The following TSPAN18 variants were observed in gnomAD, a reference collection of about 807,000 sequenced individuals.
The protein encoded by TSPAN18 is tetraspanin 18, also known as tetraspanin-18.
TSPAN18 carries 14 observed loss-of-function variants against 27.3 expected under a neutral mutation model. The observed-to-expected ratio is 0.51, with a 90% confidence interval of 0.34 to 0.80. The LOEUF (loss-of-function observed/expected upper bound fraction) is 0.80. Ranked by LOEUF, TSPAN18 falls within the 30% of genes least tolerant of loss-of-function variation. TSPAN18 has a pLI of 0.01. For synonymous variants in TSPAN18, 143 were observed against 136.5 expected, an observed-to-expected ratio of 1.05 and a Z score of -0.33; for missense variants, 268 against 323.9, an observed-to-expected ratio of 0.83 and a Z score of 1.32.
chr11:44,877,796 G>C (rs1293515771), intron 3 of TSPAN18, among the ~76,000 whole-genome samples: 2 of 151,794 alleles, frequency 1.3e-5, no homozygotes, highest in Non-Finnish European at 2.9e-5. Context: ...GGCTGGGTAA[G>C]CTAGTCGTGG....
intron 3 of TSPAN18, among the ~76,000 whole-genome samples, chr11:44,890,053 C>T (rs948074241): frequency 4.6e-5 from 7 of 152,242 alleles, no homozygotes; most frequent in Admixed American, 2.0e-4. Flanking sequence ...TCCCCAGCCT[C>T]TTTCCTGTGC....
intron 2 of TSPAN18, among the ~76,000 whole-genome samples, chr11:44,843,822 G>A (rs947193486): frequency 6.6e-6 from 1 of 152,232 alleles, no homozygotes; most frequent in African/African-American, 2.4e-5. Flanking sequence ...AGCAGTCAGA[G>A]TTTAAGGTTA....
intron 2 of TSPAN18, among the ~76,000 whole-genome samples, chr11:44,819,036 A>C (rs1856871471): frequency 6.6e-6 from 1 of 152,124 alleles, no homozygotes; most frequent in South Asian, 2.1e-4. Context: ...TCCCAGTTTC[A>C]TGGATTGTTT....
chr11:44,764,575 C>T (rs1052771196), intron 2 of TSPAN18, 63 bp downstream of exon 2: 3 of 152,300 alleles, frequency 2.0e-5, no homozygotes, highest in Non-Finnish European at 4.4e-5. Context: ...GTCTACTCTT[C>T]TCTCTTCTTC....
intron 8 of TSPAN18, among the ~76,000 whole-genome samples, chr11:44,920,836 C>T (rs1590695665): frequency 1.3e-5 from 2 of 152,160 alleles, no homozygotes; most frequent in Admixed American, 1.3e-4. Context: ...GCGAGGCTCA[C>T]GATCTCATTA....
At chr11:44,881,875 A>G (rs1258776792) in intron 3 of TSPAN18, among the ~76,000 whole-genome samples, 2 of 152,220 alleles carry the variant, frequency 1.3e-5, no homozygotes, top group African/African-American at 2.4e-5. Flanking sequence ...GGCAAACCTG[A>G]TATGATGCCT....
intron 1 of TSPAN18, among the ~76,000 whole-genome samples, chr11:44,728,674 T>C (rs916621129): frequency 2.6e-5 from 4 of 152,180 alleles, no homozygotes; most frequent in Admixed American, 6.5e-5. Context: ...TTCACAATTA[T>C]TGGTGGAAAT....
At chr11:44,757,327 TTTTA>T (rs1855355638) in intron 1 of TSPAN18, among the ~76,000 whole-genome samples, 1 of 152,078 alleles carries the variant, frequency 6.6e-6, no homozygotes, top group Admixed American at 6.5e-5. Flanking sequence ...CTCACTGCAG[TTTTA>T]TTTATTTGTT....
chr11:44,860,475 A>G lies in TSPAN18; in HGVS notation c.-11+6A>G, dbSNP rs1035732055. 2.0e-5 allele frequency: 3 copies of G among 151,802 alleles called. No homozygotes were observed. The highest frequency in any genetic ancestry group is 7.3e-5 in the African/African-American group (3 of 41,208). 9.4% of individuals were successfully genotyped at this position (151,802 alleles called of 1,614,324 possible). ...TCTCAACGCTGGCTCTCCAGGTAAC[A>G]GAGGTTAGGCTCATTCAGCAAGGGG... On this transcript the variant is annotated splice_donor_region_variant and intron_variant, in intron 3 of 9. Transcript: ENST00000520358.
chr11:44,745,316 T>G (rs1226012925), intron 1 of TSPAN18, among the ~76,000 whole-genome samples: 1 of 152,204 alleles, frequency 6.6e-6, no homozygotes, highest in Admixed American at 6.5e-5. Context: ...ACTGACAACC[T>G]ATTCAGGCTC....
At chr11:44,765,286 G>A (rs1855542175) in intron 2 of TSPAN18, among the ~76,000 whole-genome samples, 1 of 152,208 alleles carries the variant, frequency 6.6e-6, no homozygotes, top group Non-Finnish European at 1.5e-5. Flanking sequence ...GGCTGAAATA[G>A]AAGAAGTGAC....
intron 1 of TSPAN18, among the ~76,000 whole-genome samples, chr11:44,740,182 T>G (rs1038953584): frequency 2.6e-5 from 4 of 152,162 alleles, no homozygotes; most frequent in Admixed American, 2.0e-4. Context: ...TGTCATCTTT[T>G]CCTTTTCATC....
chr11:44,842,105 C>T (rs1254198503), intron 2 of TSPAN18, among the ~76,000 whole-genome samples: 1 of 152,196 alleles, frequency 6.6e-6, no homozygotes, highest in Non-Finnish European at 1.5e-5. Context: ...CCCAGATCCT[C>T]AGACTCCAGC....
intron 2 of TSPAN18, among the ~76,000 whole-genome samples, chr11:44,806,296 A>T (rs943576189): frequency 3.9e-5 from 6 of 152,142 alleles, no homozygotes; most frequent in African/African-American, 1.4e-4. Flanking sequence ...CAGCCTCCCA[A>T]AGTGCTGGGA....
Position 44,909,754 on chromosome 11 carries a change from C to T in TSPAN18, c.113C>T (p.Pro38Leu), listed in dbSNP as rs1462526476. 1 of 1,613,534 alleles carries T rather than the reference C, an allele frequency of 6.2e-7. No homozygotes were observed. The highest frequency in any genetic ancestry group is 1.7e-5 in the Admixed American group (1 of 60,016). ...ATCGGCATCTGGGTCATGGTGGACC[C>T]CACCGGCTTCCGGGAGATCGTGGCT... ...LAIGIWVMVD[P>L]TGFREIVAAN... is the part of the protein sequence containing the mutation. The change falls in exon 5 of 10, where the codon CCC (proline) becomes CTC (leucine). Residue 38 changes from proline (P) to leucine (L), a missense_variant. Pro to Leu is a moderately conservative substitution (Grantham distance 98). Transcript: ENST00000520358.
At chr11:44,757,786 C>A (rs1855365951) in intron 1 of TSPAN18, among the ~76,000 whole-genome samples, 1 of 152,100 alleles carries the variant, frequency 6.6e-6, no homozygotes, top group Admixed American at 6.6e-5. Context: ...GGAGAAATGT[C>A]TTTTAATCTT....
intron 9 of TSPAN18, among the ~76,000 whole-genome samples, chr11:44,927,625 C>T (rs1003858506): frequency 3.3e-5 from 5 of 152,184 alleles, no homozygotes; most frequent in African/African-American, 1.2e-4. Flanking sequence ...ATGTATTCAA[C>T]AAGCACACAC....
chr11:44,870,676 G>A (rs1235716959), intron 3 of TSPAN18, among the ~76,000 whole-genome samples: 1 of 152,162 alleles, frequency 6.6e-6, no homozygotes, highest in Non-Finnish European at 1.5e-5. Flanking sequence ...TCATTTTACA[G>A]CTCAGGAAAT....
chr11:44,906,857 G>A (rs1459252886), intron 4 of TSPAN18, among the ~76,000 whole-genome samples: 2 of 152,128 alleles, frequency 1.3e-5, no homozygotes, highest in African/African-American at 2.4e-5. Context: ...AGCAGTTGAC[G>A]GACTTCAGAC....
Sources: gnomAD v4.1 joint callset for allele counts (sites outside exome capture counted in the v4.1 genomes callset) on GRCh38, gnomAD v4.1.1 for gene constraint, MANE v1.5 for transcripts, NCBI Gene and HGNC (gene_info 2026-07-23, HGNC 2026-07-21) for gene names.